GRIN2A: variants seen among roughly 807,000 people sequenced by gnomAD.
The protein encoded by GRIN2A is glutamate ionotropic receptor NMDA type subunit 2A.
A neutral mutation model predicts 113.4 loss-of-function variants in GRIN2A; 22 were observed. That is an observed-to-expected ratio of 0.19 (90% CI 0.14 to 0.28). The LOEUF (loss-of-function observed/expected upper bound fraction) is 0.28, where lower values mean the gene tolerates loss of function less well. Among genes scored for constraint, GRIN2A ranks in the 10% least tolerant of loss-of-function variants. GRIN2A has a pLI of 1.00. For missense variants in GRIN2A, 1,502 were observed against 1,887.0 expected, an observed-to-expected ratio of 0.80 and a Z score of 3.78; for synonymous variants, 827 against 738.4, an observed-to-expected ratio of 1.12 and a Z score of -1.94.
chr16:10,113,479 C>G (rs1008513634), intron 2 of GRIN2A, among the ~76,000 whole-genome samples: 1 of 152,202 alleles, frequency 6.6e-6, no homozygotes, highest in Non-Finnish European at 1.5e-5. Context: ...GACTCACCAC[C>G]GTCCCCATAT....
At chr16:9,772,050 G>A (rs1308525865) in intron 11 of GRIN2A, among the ~76,000 whole-genome samples, 1 of 152,052 alleles carries the variant, frequency 6.6e-6, no homozygotes. Context: ...TAAAAAAATA[G>A]GAAATCCATC....
chr16:10,048,005 C>T (rs1251503060), intron 2 of GRIN2A, among the ~76,000 whole-genome samples: 2 of 152,176 alleles, frequency 1.3e-5, no homozygotes, highest in African/African-American at 4.8e-5. Context: ...AAACTAGGTA[C>T]ATTCAATATT....
Position 9,754,860 on chromosome 16 carries a change from C to G in GRIN2A, c.*8289G>C. 1 of 223,896 alleles carries G rather than the reference C, an allele frequency of 4.5e-6. No individual in the cohort carries two copies. The highest frequency in any genetic ancestry group is 6.5e-5 in the East Asian group (1 of 15,444). 13.9% of individuals were successfully genotyped at this position (223,896 alleles called of 1,614,324 possible). Reference sequence around the variant, plus strand: ...AGTTATCAATAGTCTTTGATTTGAGCCCTTTAAAACTTGAAACAGCAAAAT... The same window carrying G: ...AGTTATCAATAGTCTTTGATTTGAGGCCTTTAAAACTTGAAACAGCAAAAT... On this transcript the variant is annotated 3_prime_UTR_variant, in exon 13 of 13. Coordinates refer to ENST00000330684, the MANE Select transcript of GRIN2A (RefSeq NM_001134407.3).
chr16:10,100,036 G>A (rs2048363153), intron 2 of GRIN2A, among the ~76,000 whole-genome samples: 1 of 152,168 alleles, frequency 6.6e-6, no homozygotes, highest in South Asian at 2.1e-4. Flanking sequence ...TAGTCAAGAA[G>A]TATCAGCAGA....
intron 2 of GRIN2A, among the ~76,000 whole-genome samples, chr16:10,063,021 A>G (rs1279528196): frequency 1.3e-5 from 2 of 152,238 alleles, no homozygotes; most frequent in African/African-American, 4.8e-5. Flanking sequence ...TGGCACATAT[A>G]TACCATGGAA....
intron 2 of GRIN2A, among the ~76,000 whole-genome samples, chr16:10,168,138 A>T (rs1192832822): frequency 6.6e-6 from 1 of 152,208 alleles, no homozygotes; most frequent in African/African-American, 2.4e-5. Context: ...TCTGTAGATG[A>T]GCTTCTTAGC....
At chr16:9,988,788 G>A (rs1316112539) in intron 2 of GRIN2A, among the ~76,000 whole-genome samples, 1 of 151,968 alleles carries the variant, frequency 6.6e-6, no homozygotes, top group Non-Finnish European at 1.5e-5. Flanking sequence ...ACTAACTATC[G>A]GCCCAGGTTC....
intron 2 of GRIN2A, among the ~76,000 whole-genome samples, chr16:10,079,671 G>C (rs2047942455): frequency 6.6e-6 from 1 of 152,180 alleles, no homozygotes; most frequent in Admixed American, 6.5e-5. Flanking sequence ...GCCCTCACCA[G>C]ACATGAATCT....
intron 2 of GRIN2A, among the ~76,000 whole-genome samples, chr16:10,155,681 G>A (rs1209734781): frequency 6.6e-6 from 1 of 152,054 alleles, no homozygotes; most frequent in East Asian, 1.9e-4. Context: ...GAGGTTTAAT[G>A]GACTCACAGT....
chr16:9,887,353 A>G (rs2043604991), intron 4 of GRIN2A, among the ~76,000 whole-genome samples: 2 of 152,212 alleles, frequency 1.3e-5, no homozygotes, highest in South Asian at 4.1e-4. Context: ...CACCCACAGA[A>G]GCAACCACTA....
At chr16:10,102,022 G>T (rs1409256672) in intron 2 of GRIN2A, among the ~76,000 whole-genome samples, 4 of 152,224 alleles carry the variant, frequency 2.6e-5, no homozygotes, top group Non-Finnish European at 5.9e-5. Flanking sequence ...GAGTATGTTT[G>T]TAGATTGAGA....
chr16:10,069,732 G>T (rs1201880011), intron 2 of GRIN2A, among the ~76,000 whole-genome samples: 1 of 152,256 alleles, frequency 6.6e-6, no homozygotes, highest in Non-Finnish European at 1.5e-5. Flanking sequence ...AGCCCAGGCT[G>T]GGAGGGCTCT....
At chr16:9,835,135 A>G (rs1039007978) in intron 7 of GRIN2A, among the ~76,000 whole-genome samples, 1 of 152,242 alleles carries the variant, frequency 6.6e-6, no homozygotes, top group Non-Finnish European at 1.5e-5. Flanking sequence ...TGCCTCAGAT[A>G]GATGAGATTC....
At chr16:10,043,482 A>G (rs1212622585) in intron 2 of GRIN2A, among the ~76,000 whole-genome samples, 1 of 152,180 alleles carries the variant, frequency 6.6e-6, no homozygotes, top group African/African-American at 2.4e-5. Flanking sequence ...ATCCTCTGCC[A>G]TGATGCCTTC....
intron 2 of GRIN2A, among the ~76,000 whole-genome samples, chr16:10,173,532 T>C (rs2050084094): frequency 6.6e-6 from 1 of 152,216 alleles, no homozygotes; most frequent in Admixed American, 6.5e-5. Flanking sequence ...ACTGCACGAA[T>C]GCCCTGAACC....
chr16:9,838,166 TAA>T (rs1225228281), intron 7 of GRIN2A, among the ~76,000 whole-genome samples: 2 of 152,196 alleles, frequency 1.3e-5, no homozygotes, highest in Non-Finnish European at 2.9e-5. Context: ...CTTTAAGAGA[TAA>T]AGTTATTTTT....
chr16:9,988,261 C>A (rs970316825), intron 2 of GRIN2A, among the ~76,000 whole-genome samples: 1 of 122,068 alleles, frequency 8.2e-6, no homozygotes, highest in Non-Finnish European at 1.7e-5. Flanking sequence ...GGAAAGAGAT[C>A]CATAGGGGTG....
intron 2 of GRIN2A, among the ~76,000 whole-genome samples, chr16:10,080,377 T>C (rs998752167): frequency 2.6e-5 from 4 of 152,210 alleles, no homozygotes; most frequent in Non-Finnish European, 4.4e-5. Flanking sequence ...CCCTGGGCTT[T>C]TGCAGAAAGC....
chr16:10,106,297 C>T (rs1279928411), intron 2 of GRIN2A, among the ~76,000 whole-genome samples: 3 of 150,630 alleles, frequency 2.0e-5, no homozygotes, highest in African/African-American at 7.3e-5. Flanking sequence ...CACAGTGGCT[C>T]ACTTCTGTAA....
Sources: gnomAD v4.1 joint callset for allele counts (sites outside exome capture counted in the v4.1 genomes callset) on GRCh38, gnomAD v4.1.1 for gene constraint, MANE v1.5 for transcripts, NCBI Gene and HGNC (gene_info 2026-07-23, HGNC 2026-07-21) for gene names.